The following PDPK1 variants were observed in gnomAD, a reference collection of about 807,000 sequenced individuals.
The protein encoded by PDPK1 is 3-phosphoinositide-dependent protein kinase 1.
A neutral mutation model predicts 39.8 loss-of-function variants in PDPK1; 7 were observed. The observed-to-expected ratio is 0.18, with a 90% CI of 0.10 to 0.33. PDPK1 has a LOEUF of 0.33. PDPK1 is among the 10% of genes least tolerant of loss of function. The probability of loss-of-function intolerance (pLI) is 1.00; values close to 1 mark genes in which losing one functional copy is unlikely to be tolerated. For synonymous variants in PDPK1, 118 were observed against 159.1 expected (o/e 0.74, Z 1.95); for missense variants, 182 against 384.7 (o/e 0.47, Z 4.41).
At chr16:2,591,027 A>G (rs893469735) in intron 11 of PDPK1, among the ~76,000 whole-genome samples, 2 of 151,454 alleles carry the variant, frequency 1.3e-5, no homozygotes, top group South Asian at 2.1e-4. Flanking sequence ...CAGTGGCACA[A>G]TCTCAGCTCA....
Position 2,539,731 on chromosome 16 carries a change from C to T in PDPK1, c.24+1595C>T, listed in dbSNP as rs1476457989. ...TGGAGGCTGGGGCCGAGAGTTATGTCGAAGTTTGTGAGGTTAACCTGCACC... is the reference window on the plus strand; with the variant it reads ...TGGAGGCTGGGGCCGAGAGTTATGTTGAAGTTTGTGAGGTTAACCTGCACC... On this transcript the variant is annotated intron_variant, in intron 1 of 13. Transcript: ENST00000342085. Among the ~76,000 whole-genome samples, 3 of 152,270 alleles carry T rather than the reference C, an allele frequency of 2.0e-5. No individual in the cohort carries two copies. In the East Asian group the frequency reaches 5.8e-4, roughly 29 times the overall value.
chr16:2,590,456 T>A (rs1172776606), intron 11 of PDPK1, among the ~76,000 whole-genome samples: 1 of 152,212 alleles, frequency 6.6e-6, no homozygotes, highest in Non-Finnish European at 1.5e-5. Context: ...ATGTTGTGAA[T>A]ACTTTGTGGG....
intron 1 of PDPK1, 80 bp downstream of exon 1, chr16:2,538,216 G>T: frequency 2.6e-6 from 2 of 760,292 alleles, no homozygotes; most frequent in Non-Finnish European, 3.3e-6. Context: ...GGCGAGGCGG[G>T]GCGGCCCGGG....
Position 2,597,041 on chromosome 16 carries a change from A to AG in PDPK1, c.1402-78dup. 8.4e-7 allele frequency: 1 copy of AG among 1,185,964 alleles called. No homozygotes were observed. The highest frequency in any genetic ancestry group is 1.2e-6 in the Non-Finnish European group (1 of 852,176). The allele number at this position is 1,185,964 out of a possible 1,614,324, so 73.5% of individuals were successfully genotyped here. On this transcript the variant is annotated intron_variant, in intron 12 of 13. Transcript: ENST00000342085. This position sits in a 1 kb window ranked among gnomAD's most constrained non-coding sequence, Gnocchi z 6.3. ...TGGCCCTGTGTCCTGAGCAGCTCCG[A>AG]GGGGCCGCCCAGCCCTCTAGGCTCC...
intron 11 of PDPK1, among the ~76,000 whole-genome samples, chr16:2,590,578 C>T (rs1198001986): frequency 2.0e-5 from 3 of 152,248 alleles, no homozygotes; most frequent in Admixed American, 2.0e-4. Context: ...CGCGGAGCGT[C>T]TGGCTGACGG....
At chr16:2,591,537 T>C (rs1385112254) in intron 11 of PDPK1, among the ~76,000 whole-genome samples, 14 of 152,380 alleles carry the variant, frequency 9.2e-5, no homozygotes, top group Admixed American at 8.5e-4. Context: ...TCTACACTTA[T>C]TCTTAGCCAA....
At chr16:2,539,232 A>G in intron 1 of PDPK1, 1 of 158,072 alleles carries the variant, frequency 6.3e-6, no homozygotes, top group Non-Finnish European at 1.4e-5. Flanking sequence ...GGCGTATGCC[A>G]CCATGCCCGG....
At chr16:2,546,249 A>G (rs1205133057) in intron 1 of PDPK1, among the ~76,000 whole-genome samples, 2 of 150,534 alleles carry the variant, frequency 1.3e-5, no homozygotes, top group African/African-American at 4.9e-5. Context: ...GCGCCCGGCT[A>G]ATTTTTGTGT....
chr16:2,587,785 T>C (rs1048950271), intron 11 of PDPK1, among the ~76,000 whole-genome samples: 2 of 152,276 alleles, frequency 1.3e-5, no homozygotes, highest in Non-Finnish European at 2.9e-5. Context: ...CCTTGTTGTA[T>C]GTTTTGCAAA....
intron 1 of PDPK1, among the ~76,000 whole-genome samples, chr16:2,543,757 T>C (rs1037940447): frequency 2.0e-5 from 3 of 152,276 alleles, no homozygotes; most frequent in Admixed American, 2.0e-4. Context: ...AATCTTGCTC[T>C]GTCGCCCAGG....
intron 7 of PDPK1, among the ~76,000 whole-genome samples, chr16:2,580,389 G>T (rs1214634479): frequency 1.4e-5 from 2 of 146,596 alleles, no homozygotes; most frequent in Non-Finnish European, 3.0e-5. Flanking sequence ...CCCTCTAGTG[G>T]GCGAGACGGG....
At chr16:2,538,911 G>C (rs1239139194) in intron 1 of PDPK1, 2 of 513,266 alleles carry the variant, frequency 3.9e-6, no homozygotes, top group Non-Finnish European at 6.2e-6. Flanking sequence ...CATATGCTAA[G>C]TTCTACAGTC....
intron 11 of PDPK1, among the ~76,000 whole-genome samples, chr16:2,589,828 C>T (rs1340344849): frequency 6.6e-6 from 1 of 151,964 alleles, no homozygotes; most frequent in Non-Finnish European, 1.5e-5. Flanking sequence ...GCTTTTCAGA[C>T]AATAAATTAA....
intron 2 of PDPK1, among the ~76,000 whole-genome samples, chr16:2,560,684 C>CTTG (rs1379520488): frequency 1.8e-4 from 25 of 141,870 alleles, no homozygotes; most frequent in African/African-American, 6.6e-4. Flanking sequence ...TTGTGTCCCA[C>CTTG]TTGGTGGTGG....
intron 1 of PDPK1, among the ~76,000 whole-genome samples, chr16:2,553,351 T>A (rs1344098587): frequency 1.1e-3 from 150 of 142,030 alleles, no homozygotes; most frequent in Middle Eastern, 3.4e-3. Flanking sequence ...TTTTTTTTTT[T>A]AATTTCTTTT....
intron 1 of PDPK1, among the ~76,000 whole-genome samples, chr16:2,544,865 A>T (rs201096151): frequency 6.6e-6 from 1 of 151,964 alleles, no homozygotes; most frequent in Non-Finnish European, 1.5e-5. Flanking sequence ...ATTTACAGGC[A>T]TGAGCCACCA....
chr16:2,541,908 A>G (rs1412104137), intron 1 of PDPK1, among the ~76,000 whole-genome samples: 3 of 151,982 alleles, frequency 2.0e-5, no homozygotes. Context: ...GTAACAAGGC[A>G]TGGGTTGTGT....
intron 1 of PDPK1, chr16:2,538,483 C>T (rs1430656690): frequency 3.8e-5 from 19 of 499,214 alleles, no homozygotes; most frequent in East Asian, 1.4e-4. Context: ...CCAGGGTTAC[C>T]TTTCGGTTCT....
At chr16:2,543,536 G>A (rs1024996761) in intron 1 of PDPK1, among the ~76,000 whole-genome samples, 3 of 138,332 alleles carry the variant, frequency 2.2e-5, no homozygotes, top group Non-Finnish European at 4.6e-5. Flanking sequence ...GCCCAGGCTC[G>A]GATGCCCGGC....
Sources: allele counts gnomAD v4.1 joint callset (sites outside exome capture counted in the v4.1 genomes callset), GRCh38; gene constraint gnomAD v4.1.1; non-coding constraint Gnocchi (gnomAD v3.1); transcripts MANE v1.5; gene names NCBI Gene and HGNC (gene_info 2026-07-23, HGNC 2026-07-21).